The following TCF12 variants were observed in gnomAD, a reference collection of about 807,000 sequenced individuals.
The protein encoded by TCF12 is DNA-binding protein HTF4.
In TCF12, 45 loss-of-function variants were observed where a neutral mutation model predicts 86.0. The ratio of observed to expected loss-of-function variants is 0.52; its 90% CI spans 0.41 to 0.67. TCF12 has a LOEUF of 0.67. TCF12 is among the 30% of genes least tolerant of loss of function. The probability of loss-of-function intolerance (pLI) is 0.00; values close to 1 mark genes in which losing one functional copy is unlikely to be tolerated. For synonymous variants in TCF12, 330 were observed against 299.6 expected (o/e 1.10, Z -1.05); for missense variants, 881 against 859.9 (o/e 1.02, Z -0.31).
chr15:56,931,088 C>A (rs1312854456), intron 3 of TCF12, among the ~76,000 whole-genome samples: 1 of 152,048 alleles, frequency 6.6e-6, no homozygotes, highest in Admixed American at 6.6e-5. Context: ...CCCCCCACCC[C>A]AGGGATTGTT....
At chr15:56,970,479 C>CAAAAAAAAA (rs59118732) in intron 3 of TCF12, among the ~76,000 whole-genome samples, 1 of 65,476 alleles carries the variant, frequency 1.5e-5, no homozygotes, top group Non-Finnish European at 2.7e-5. Context: ...GACTCCATCT[C>CAAAAAAAAA]AAAAAAAAAA....
chr15:57,258,599 T>G (rs1453305123), intron 16 of TCF12, among the ~76,000 whole-genome samples: 1 of 152,222 alleles, frequency 6.6e-6, no homozygotes, highest in African/African-American at 2.4e-5. Context: ...TTCATTGTTA[T>G]AAGTCCTGAT....
At chr15:57,063,187 A>G (rs916031625) in intron 3 of TCF12, among the ~76,000 whole-genome samples, 17 of 152,218 alleles carry the variant, frequency 1.1e-4, no homozygotes, top group African/African-American at 3.4e-4. Flanking sequence ...GTCACCCACA[A>G]AATTACTAAG....
chr15:57,283,235 C>G (rs1351661143), intron 20 of TCF12, among the ~76,000 whole-genome samples: 1 of 151,862 alleles, frequency 6.6e-6, no homozygotes, highest in Non-Finnish European at 1.5e-5. Flanking sequence ...TTTTCATGGA[C>G]TAAACATAAT....
Position 57,254,050 on chromosome 15 carries a change from C to A in TCF12, c.1467+582C>A, listed in dbSNP as rs142069351. 1.8e-4 allele frequency among the ~76,000 whole-genome samples: 28 copies of A among 152,234 alleles called. 1 individual carries two copies. The highest frequency in any genetic ancestry group is 6.5e-4 in the African/African-American group (27 of 41,532). ...GTGTTCGTTCTACAGCCATACACAT[C>A]AAAAATTCTGTGTTTACCATCTTAC... On this transcript the variant is annotated intron_variant, in intron 16 of 20. Coordinates refer to ENST00000333725, the MANE Select transcript of TCF12 (RefSeq NM_207037.2).
intron 4 of TCF12, among the ~76,000 whole-genome samples, chr15:57,081,982 CT>C (rs2048344840): frequency 6.6e-6 from 1 of 152,202 alleles, no homozygotes; most frequent in Non-Finnish European, 1.5e-5. Context: ...GGCTTATCTA[CT>C]TTCACCTTCA....
chr15:57,245,737 T>G (rs1007454080), intron 13 of TCF12, among the ~76,000 whole-genome samples: 43 of 152,244 alleles, frequency 2.8e-4, no homozygotes, highest in Non-Finnish European at 5.6e-4. Flanking sequence ...TGGGCGATGC[T>G]GTCTTTTTCT....
At chr15:56,971,668 A>G (rs1056293637) in intron 3 of TCF12, among the ~76,000 whole-genome samples, 1 of 152,328 alleles carries the variant, frequency 6.6e-6, no homozygotes, top group South Asian at 2.1e-4. Flanking sequence ...AGATTTCACC[A>G]TGCTACTCAG....
At chr15:56,932,065 C>T (rs1269262171) in intron 3 of TCF12, among the ~76,000 whole-genome samples, 1 of 152,114 alleles carries the variant, frequency 6.6e-6, no homozygotes, top group Non-Finnish European at 1.5e-5. Flanking sequence ...GGAACAGTGC[C>T]TGTAGCGAGC....
chr15:56,963,158 T>C (rs1158537679), intron 3 of TCF12, among the ~76,000 whole-genome samples: 1 of 152,098 alleles, frequency 6.6e-6, no homozygotes, highest in African/African-American at 2.4e-5. Flanking sequence ...TACTTGTTTT[T>C]GTTTTTTTAT....
intron 8 of TCF12, among the ~76,000 whole-genome samples, chr15:57,207,565 G>A (rs550506476): frequency 3.2e-4 from 48 of 152,194 alleles, no homozygotes; most frequent in Non-Finnish European, 5.9e-4. Flanking sequence ...CAGCTACTTG[G>A]GAGGCTGAGG....
intron 5 of TCF12, among the ~76,000 whole-genome samples, chr15:57,157,849 C>T (rs1347530346): frequency 6.6e-6 from 1 of 152,134 alleles, no homozygotes; most frequent in African/African-American, 2.4e-5. Flanking sequence ...AGGCATTAGC[C>T]ACCGTGCCAG....
chr15:57,074,245 T>C (rs982933337), intron 4 of TCF12, among the ~76,000 whole-genome samples: 46 of 151,880 alleles, frequency 3.0e-4, no homozygotes, highest in African/African-American at 9.9e-4. Context: ...CTTTTTCTCA[T>C]AGGAAGTGTG....
At chr15:57,103,119 T>C (rs2049873425) in intron 5 of TCF12, among the ~76,000 whole-genome samples, 1 of 152,062 alleles carries the variant, frequency 6.6e-6, no homozygotes, top group South Asian at 2.1e-4. Flanking sequence ...TGCACAGTAA[T>C]AAAAAAAGTA....
chr15:57,043,531 G>T (rs1281315301), intron 3 of TCF12, among the ~76,000 whole-genome samples: 1 of 152,006 alleles, frequency 6.6e-6, no homozygotes, highest in African/African-American at 2.4e-5. Flanking sequence ...GTTTTGATTT[G>T]CATTTCCCTG....
chr15:57,152,896 T>C (rs2053864945), intron 5 of TCF12, among the ~76,000 whole-genome samples: 1 of 151,796 alleles, frequency 6.6e-6, no homozygotes, highest in African/African-American at 2.4e-5. Flanking sequence ...CTTAGACATA[T>C]TTAAAGTGCT....
intron 3 of TCF12, among the ~76,000 whole-genome samples, chr15:56,993,144 A>G (rs549394073): frequency 6.6e-6 from 1 of 152,260 alleles, no homozygotes; most frequent in East Asian, 1.9e-4. Flanking sequence ...CTAAAACCTA[A>G]AAGTGGGGCA....
chr15:57,175,628 A>G (rs948844058), intron 6 of TCF12, among the ~76,000 whole-genome samples: 2 of 152,236 alleles, frequency 1.3e-5, no homozygotes, highest in Admixed American at 6.5e-5. Flanking sequence ...TAGTAGCCTC[A>G]GTCTTGGGCA....
At chr15:57,285,006 T>G (rs2061872688) in intron 20 of TCF12, among the ~76,000 whole-genome samples, 1 of 152,268 alleles carries the variant, frequency 6.6e-6, no homozygotes, top group South Asian at 2.1e-4. Context: ...GTGAATGCAC[T>G]TTGTTCCATA....
Sources: gnomAD v4.1 joint callset for allele counts (sites outside exome capture counted in the v4.1 genomes callset) on GRCh38, gnomAD v4.1.1 for gene constraint, MANE v1.5 for transcripts, NCBI Gene and HGNC (gene_info 2026-07-23, HGNC 2026-07-21) for gene names.